DNAH9: variants seen among roughly 807,000 people sequenced by gnomAD.
DNAH9 encodes the protein dynein axonemal heavy chain 9.
A neutral mutation model predicts 471.6 loss-of-function variants in DNAH9; 345 were observed. That is an observed-to-expected ratio of 0.73 (90% confidence interval 0.67 to 0.80). The LOEUF is 0.80. Ranked by LOEUF, DNAH9 falls within the 30% of genes least tolerant of loss-of-function variation. The pLI is 0.00. For synonymous variants in DNAH9, 2,093 were observed against 2,123.6 expected, an observed-to-expected ratio of 0.99 and a Z score of 0.40; for missense variants, 5,407 against 5,609.2, an observed-to-expected ratio of 0.96 and a Z score of 1.15.
intron 4 of DNAH9, among the ~76,000 whole-genome samples, chr17:11,615,811 T>G (rs963918563): frequency 6.6e-6 from 1 of 152,208 alleles, no homozygotes; most frequent in South Asian, 2.1e-4. Flanking sequence ...TATAGCATGA[T>G]AGTCTCAGCC....
chr17:11,963,247 C>A (rs1013335523), intron 68 of DNAH9, among the ~76,000 whole-genome samples: 1 of 151,952 alleles, frequency 6.6e-6, no homozygotes, highest in African/African-American at 2.4e-5. Context: ...CCAGCCTGAC[C>A]AACATGGAGA....
chr17:11,693,049 G>A (rs1471093836), intron 20 of DNAH9, among the ~76,000 whole-genome samples: 3 of 147,936 alleles, frequency 2.0e-5, no homozygotes, highest in South Asian at 2.2e-4. Flanking sequence ...GAGATGACAG[G>A]CACACACCAC....
chr17:11,744,883 G>A lies in DNAH9; in HGVS notation c.6198G>A (p.Glu2066=), dbSNP rs954812784. The part of the protein sequence containing the change: ...SLKRGDPDRP[E]DQVLMRSLRD... ...AGAGAGGAGACCCTGACCGGCCTGA[G>A]GACCAGGTCCTGATGCGCTCCTTGC... Residue 2066 remains glutamate, a synonymous_variant, in exon 31 of 69, where the codon GAG becomes GAA. Coordinates refer to ENST00000262442, the MANE Select transcript of DNAH9 (RefSeq NM_001372.4). The A allele has an allele frequency of 3.1e-6, 5 of 1,614,192 alleles. No individual in the cohort carries two copies. The highest frequency in any genetic ancestry group is 4.2e-6 in the Non-Finnish European group (5 of 1,180,026).
rs1278377255 is a variant in DNAH9, at chr17:11,960,866, G to C, written c.12844-1001G>C. ...GAGACTCCAGGCCCTACGGAGGTGA[G>C]AACATCTTACATTTTAGCAGTCTGC... is the stretch of plus-strand genomic sequence containing the variant. On this transcript the variant is annotated intron_variant, in intron 67 of 68. Transcript: ENST00000262442. 2.6e-5 allele frequency among the ~76,000 whole-genome samples: 4 copies of C among 152,138 alleles called. No individual in the cohort carries two copies. The East Asian group carries it at 7.7e-4, about 29-fold the overall frequency.
chr17:11,946,188 A>G (rs1032846670), intron 67 of DNAH9, among the ~76,000 whole-genome samples: 4 of 142,848 alleles, frequency 2.8e-5, no homozygotes, highest in African/African-American at 1.1e-4. Context: ...TGACAGAGCA[A>G]GAGTCCATCT....
chr17:11,929,030 T>C (rs1974417565), intron 62 of DNAH9, among the ~76,000 whole-genome samples: 1 of 146,446 alleles, frequency 6.8e-6, no homozygotes, highest in Non-Finnish European at 1.5e-5. Context: ...CAGCCTTTTT[T>C]TTTTTTTTTT....
intron 59 of DNAH9, among the ~76,000 whole-genome samples, chr17:11,901,078 T>A (rs1973394856): frequency 6.6e-6 from 1 of 152,120 alleles, no homozygotes; most frequent in Non-Finnish European, 1.5e-5. Flanking sequence ...AGGCTGCAAA[T>A]GGCTTGAGAG....
chr17:11,887,082 T>C (rs1972904154), intron 57 of DNAH9, 117 bp downstream of exon 57: 2 of 1,354,494 alleles, frequency 1.5e-6, no homozygotes, highest in East Asian at 2.5e-5. Flanking sequence ...GTCTGTAAGA[T>C]CAAAGCCAGG....
intron 50 of DNAH9, among the ~76,000 whole-genome samples, chr17:11,865,524 C>G (rs1401832688): frequency 6.6e-6 from 1 of 152,128 alleles, no homozygotes; most frequent in Non-Finnish European, 1.5e-5. Context: ...CGAGGCGTAT[C>G]TTTGTGGCGT....
chr17:11,818,563 TA>T (rs1970193455), intron 45 of DNAH9, among the ~76,000 whole-genome samples: 1 of 152,082 alleles, frequency 6.6e-6, no homozygotes, highest in Non-Finnish European at 1.5e-5. Flanking sequence ...GAACAGCTTT[TA>T]AAAAAAATTT....
rs147795678 is a variant in DNAH9 at position 11,871,639 on chromosome 17, C to T, written c.10095C>T (p.Ala3365=). 83 of 1,614,048 alleles carry T rather than the reference C, an allele frequency of 5.1e-5. No individual in the cohort carries two copies. In the African/African-American group the frequency reaches 5.2e-4, roughly 10 times the overall value. Residue 3365 remains alanine (A), a synonymous_variant, in exon 52 of 69, where the codon GCC becomes GCT. Transcript: ENST00000262442. ...CTGAAAACGTGAGGTGGGCAGATGC[C>T]GTGCAGAACTTCAAACAGCAGGAAA... The part of the protein sequence containing the change: ...LASENVRWAD[A]VQNFKQQERT...
chr17:11,969,193 C>A, intron 68 of DNAH9, 107 bp from the exon 69 acceptor site: 3 of 944,050 alleles, frequency 3.2e-6, no homozygotes, highest in Non-Finnish European at 4.8e-6. Context: ...ATAAAGGCAG[C>A]CATGTCAGTC....
chr17:11,944,638 G>A (rs1975051630), intron 67 of DNAH9, among the ~76,000 whole-genome samples: 1 of 152,170 alleles, frequency 6.6e-6, no homozygotes, highest in Non-Finnish European at 1.5e-5. Flanking sequence ...GATAAACAGA[G>A]AAATCTCCAT....
At chr17:11,793,458 T>C in intron 41 of DNAH9, 45 bp from the exon 42 acceptor site, 4 of 1,578,164 alleles carry the variant, frequency 2.5e-6, no homozygotes, top group Non-Finnish European at 3.4e-6. Flanking sequence ...ATTGTACCTC[T>C]GGATGGTTAT....
At chr17:11,603,143 A>G (rs762181326) in intron 1 of DNAH9, among the ~76,000 whole-genome samples, 1 of 152,222 alleles carries the variant, frequency 6.6e-6, no homozygotes, top group Non-Finnish European at 1.5e-5. Flanking sequence ...AAATTAAAAG[A>G]GACCAGGGAA....
intron 68 of DNAH9, among the ~76,000 whole-genome samples, chr17:11,964,792 T>A (rs544415131): frequency 6.6e-6 from 1 of 152,100 alleles, no homozygotes; most frequent in Non-Finnish European, 1.5e-5. Flanking sequence ...GTGAAACCAG[T>A]AGCCTGGAAA....
At chr17:11,636,408 G>A (rs1465642389) in intron 8 of DNAH9, among the ~76,000 whole-genome samples, 2 of 152,172 alleles carry the variant, frequency 1.3e-5, no homozygotes, top group Non-Finnish European at 2.9e-5. Context: ...AGAGCTGGGG[G>A]TGAGTAACTC....
intron 24 of DNAH9, among the ~76,000 whole-genome samples, 188 bp from the exon 25 acceptor site, chr17:11,704,015 G>T (rs547418298): frequency 8.5e-5 from 13 of 152,212 alleles, no homozygotes; most frequent in Non-Finnish European, 1.8e-4. Flanking sequence ...TTTCCCACCT[G>T]TACCGCAACA....
intron 26 of DNAH9, among the ~76,000 whole-genome samples, chr17:11,706,242 G>C (rs2074697809): frequency 6.6e-6 from 1 of 151,862 alleles, no homozygotes; most frequent in Admixed American, 6.6e-5. Context: ...CCTCTTACCT[G>C]GGAATGCAAA....
Sources: allele counts gnomAD v4.1 joint callset (sites outside exome capture counted in the v4.1 genomes callset), GRCh38; gene constraint gnomAD v4.1.1; transcripts MANE v1.5; gene names NCBI Gene and HGNC (gene_info 2026-07-23, HGNC 2026-07-21).